FAM186B: variants seen among roughly 807,000 people sequenced by gnomAD.
FAM186B encodes family with sequence similarity 186 member B, also known as protein FAM186B.
A neutral mutation model predicts 83.4 loss-of-function variants in FAM186B; 68 were observed. The observed-to-expected ratio is 0.81, with a 90% CI of 0.67 to 1.00. The LOEUF is 1.00. Among genes scored for constraint, FAM186B ranks in the 50% least tolerant of loss-of-function variants. FAM186B has a pLI of 0.00. For missense variants in FAM186B, 983 were observed against 1,099.2 expected (o/e 0.89, Z 1.49); for synonymous variants, 389 against 422.0 (o/e 0.92, Z 0.96).
downstream of FAM186B, chr12:49,584,628 T>C (rs1454159672): frequency 2.8e-6 from 2 of 702,206 alleles, no homozygotes; most frequent in Admixed American, 2.0e-5. Context: ...CAAGAGTTAG[T>C]AGAGTTACAG....
chr12:49,590,025 T>G (rs1939547690), intron 5 of FAM186B, among the ~76,000 whole-genome samples: 1 of 144,256 alleles, frequency 6.9e-6, no homozygotes, highest in East Asian at 2.0e-4. Context: ...AATATAGGAG[T>G]CTTTTATTCC....
chr12:49,602,146 A>G (rs974883922), intron 3 of FAM186B, among the ~76,000 whole-genome samples: 1 of 152,252 alleles, frequency 6.6e-6, no homozygotes, highest in Non-Finnish European at 1.5e-5. Context: ...ATGCATGTTT[A>G]GTGCCAAGTG....
intron 5 of FAM186B, among the ~76,000 whole-genome samples, chr12:49,592,668 C>T (rs1939608425): frequency 6.6e-6 from 1 of 152,104 alleles, no homozygotes; most frequent in Non-Finnish European, 1.5e-5. Flanking sequence ...TGCCTGTAAT[C>T]CCAGCTACTC....
In FAM186B at chr12:49,599,768, T is replaced by G. The variant is rs1277267972; in HGVS notation, c.1872A>C (p.Arg624=). 1 of 1,614,086 alleles carries G rather than the reference T, an allele frequency of 6.2e-7. No individual in the cohort carries two copies. Among genetic ancestry groups the G allele is most frequent in the Non-Finnish European group, 8.5e-7 (1 of 1,179,982 alleles). ...CAGATTTCTTGGGCTTTGTGGGAAC[T>G]CGGCGGGTCCGTGGTCTGTAGGTAA... ...VEFTYRPRTR[R]VPTKPKKSAS... The change falls in exon 4 of 7, where the codon CGA becomes CGC. Residue 624 remains arginine, a synonymous_variant. Coordinates refer to ENST00000257894, the MANE Select transcript of FAM186B (RefSeq NM_032130.3).
the FAM186B span, among the ~76,000 whole-genome samples, chr12:49,621,525 G>A: frequency 6.6e-6 from 1 of 152,188 alleles, no homozygotes; most frequent in Non-Finnish European, 1.5e-5. Flanking sequence ...TCTTCAAGAA[G>A]ATGAAATGGA....
intron 5 of FAM186B, among the ~76,000 whole-genome samples, chr12:49,591,421 G>GA (rs911852180): frequency 6.6e-5 from 10 of 152,162 alleles, no homozygotes; most frequent in South Asian, 2.1e-4. Context: ...AATACCGAAA[G>GA]AAAAAGCTGC....
chr12:49,589,529 TA>T (rs1274057973), intron 5 of FAM186B, among the ~76,000 whole-genome samples: 1 of 152,124 alleles, frequency 6.6e-6, no homozygotes, highest in African/African-American at 2.4e-5. Context: ...ATAAACTCAA[TA>T]CTTGTATAAT....
the FAM186B span, chr12:49,619,311 G>A: frequency 6.1e-6 from 2 of 327,868 alleles, no homozygotes; most frequent in Admixed American, 5.0e-5. Context: ...TCTCGCTCTA[G>A]GGAGATTATT....
At chr12:49,606,545 A>T (rs1257713248), upstream of FAM186B, among the ~76,000 whole-genome samples, 1 of 151,856 alleles carries the variant, frequency 6.6e-6, no homozygotes, top group Non-Finnish European at 1.5e-5. Context: ...AGAGGGAGGA[A>T]CATCCCATAA....
downstream of FAM186B, chr12:49,583,120 A>G: frequency 2.2e-6 from 1 of 453,662 alleles, no homozygotes; most frequent in Admixed American, 2.4e-5. Context: ...CTGTGAAAAC[A>G]TGAAACCTTT....
chr12:49,599,131 G>T (rs1335373743), intron 4 of FAM186B, among the ~76,000 whole-genome samples, 184 bp from the exon 5 acceptor site: 1 of 152,078 alleles, frequency 6.6e-6, no homozygotes, highest in African/African-American at 2.4e-5. Flanking sequence ...GAGCCTCAGG[G>T]CTGGGATGAA....
At chr12:49,597,425 G>A (rs1011288787) in intron 5 of FAM186B, among the ~76,000 whole-genome samples, 2 of 150,910 alleles carry the variant, frequency 1.3e-5, no homozygotes, top group Non-Finnish European at 2.9e-5. Context: ...GCCGAATTGA[G>A]GAGACAGAAA....
rs2138238456 is a variant in FAM186B, at chr12:49,587,855, C to T, written c.2535-103G>A. ...GCCCAAGTGAGCTTTGTCTCCTTCC[C>T]TTCTCAAATCGAGTGTGTCACTGCC... On this transcript the variant is annotated intron_variant, in intron 6 of 6. Transcript: ENST00000257894. The T allele has an allele frequency of 2.3e-6, 3 of 1,302,604 alleles. No individual in the cohort carries two copies. In the East Asian group the frequency reaches 7.2e-5, roughly 31 times the overall value. The allele number at this position is 1,302,604 out of a possible 1,614,324, so 80.7% of individuals were successfully genotyped here. A position where few individuals can be genotyped will look rare whatever the true frequency, so the allele number is the denominator to read the frequency against.
chr12:49,618,339 G>A, the FAM186B span, among the ~76,000 whole-genome samples: 2 of 150,528 alleles, frequency 1.3e-5, no homozygotes, highest in Admixed American at 6.6e-5. Context: ...GTGAGACTCC[G>A]TCTGAAAAAA....
chr12:49,598,317 GC>G (rs1333195369), intron 5 of FAM186B, among the ~76,000 whole-genome samples: 1 of 152,148 alleles, frequency 6.6e-6, no homozygotes, highest in Non-Finnish European at 1.5e-5. Context: ...TCAGGGAGAA[GC>G]AAAGCAAGTC....
At chr12:49,589,861 G>C (rs1427051632) in intron 5 of FAM186B, among the ~76,000 whole-genome samples, 1 of 151,184 alleles carries the variant, frequency 6.6e-6, no homozygotes, top group Non-Finnish European at 1.5e-5. Flanking sequence ...TGCATCTGTA[G>C]TCCCAGCTAC....
At chr12:49,614,596 G>A in the FAM186B span, among the ~76,000 whole-genome samples, 5 of 152,166 alleles carry the variant, frequency 3.3e-5, no homozygotes, top group Non-Finnish European at 5.9e-5. Context: ...GGGAGAAAAG[G>A]AGGAAAGGGC....
intron 5 of FAM186B, chr12:49,595,482 T>TA (rs1592548728): frequency 2.1e-6 from 1 of 472,622 alleles, no homozygotes; most frequent in East Asian, 5.2e-5. Flanking sequence ...GTTTTGGAAG[T>TA]AAAGTTACAA....
chr12:49,586,675 G>T (rs1475827865), downstream of FAM186B, among the ~76,000 whole-genome samples: 1 of 152,176 alleles, frequency 6.6e-6, no homozygotes, highest in Admixed American at 6.5e-5. Context: ...TCTGTTCGCT[G>T]TATCTAAATC....
Sources: gnomAD v4.1 joint callset for allele counts (sites outside exome capture counted in the v4.1 genomes callset) on GRCh38, gnomAD v4.1.1 for gene constraint, MANE v1.5 for transcripts, NCBI Gene and HGNC (gene_info 2026-07-23, HGNC 2026-07-21) for gene names.